The following PCDHGB1 variants were observed in gnomAD, a reference collection of about 807,000 sequenced individuals.
PCDHGB1 encodes protocadherin gamma subfamily B, 1.
A neutral mutation model predicts 56.6 loss-of-function variants in PCDHGB1; 34 were observed. The ratio of observed to expected loss-of-function variants is 0.60; its 90% CI spans 0.46 to 0.80. PCDHGB1 has a LOEUF of 0.80. Among genes scored for constraint, PCDHGB1 ranks in the 30% least tolerant of loss-of-function variants. PCDHGB1 has a pLI of 0.00. For missense variants in PCDHGB1, 1,278 were observed against 1,204.6 expected (o/e 1.06, Z -0.90); for synonymous variants, 561 against 505.9 (o/e 1.11, Z -1.46).
intron 1 of PCDHGB1, chr5:141,392,823 C>A: frequency 6.3e-7 from 1 of 1,599,890 alleles, no homozygotes; most frequent in Non-Finnish European, 8.5e-7. Flanking sequence ...AATGGCCGCT[C>A]CACAGAGTCG....
chr5:141,487,749 A>G lies in PCDHGB1; in HGVS notation c.2410-7058A>G, dbSNP rs574710316. 3.9e-5 allele frequency: 60 copies of G among 1,557,180 alleles called. No homozygotes were observed. The African/African-American group carries it at 5.6e-4, about 14-fold the overall frequency. ...GTCACCATTTTTGTAAGAGGTAACT[A>G]TGTGGTAGACGCTGTGCTTTGTAAC... is the stretch of plus-strand genomic sequence containing the variant. On this transcript the variant is annotated intron_variant, in intron 1 of 3. Coordinates refer to ENST00000523390, the MANE Select transcript of PCDHGB1 (RefSeq NM_018922.3). The surrounding 1 kb of genome is among the most constrained non-coding windows in gnomAD (Gnocchi z 5.0).
chr5:141,430,657 A>G (rs2097300740), intron 1 of PCDHGB1: 1 of 1,093,240 alleles, frequency 9.1e-7, no homozygotes, highest in African/African-American at 1.6e-5. Flanking sequence ...GAAACAACGG[A>G]GGAGCTCTGA....
intron 1 of PCDHGB1, among the ~76,000 whole-genome samples, chr5:141,452,068 A>G (rs554365813): frequency 1.1e-3 from 160 of 152,308 alleles, no homozygotes; most frequent in Middle Eastern, 6.8e-3. Flanking sequence ...TTCTACTTTT[A>G]TTAGTTGGCA....
In PCDHGB1 at chr5:141,374,100, G is replaced by A. The variant is rs767728339; in HGVS notation, c.2409+21431G>A. ...AAGCCAGTAATGGCGCCTCCGCAGA[G>A]GCATCCGCAGCGCAGCGAGCAGGTC... On this transcript the variant is annotated intron_variant, in intron 1 of 3. Coordinates refer to ENST00000523390, the MANE Select transcript of PCDHGB1 (RefSeq NM_018922.3). 5.1e-6 allele frequency: 8 copies of A among 1,564,992 alleles called. No individual in the cohort carries two copies. The highest frequency in any genetic ancestry group is 6.1e-6 in the Non-Finnish European group (7 of 1,153,928).
In PCDHGB1 at chr5:141,491,771, G is replaced by C. The variant is rs760915700; in HGVS notation, c.2410-3036G>C. ...GGAGAAGCCGCCCGTCCTCATAAGG[G>C]ATTGAACTTGCATCCACTCCTCTCC... On this transcript the variant is annotated intron_variant, in intron 1 of 3. Coordinates refer to ENST00000523390, the MANE Select transcript of PCDHGB1 (RefSeq NM_018922.3). The surrounding 1 kb of genome is among the most constrained non-coding windows in gnomAD (Gnocchi z 6.9). 6.4e-7 allele frequency: 1 copy of C among 1,558,290 alleles called. No individual in the cohort carries two copies. Among genetic ancestry groups the C allele is most frequent in the Non-Finnish European group, 8.7e-7 (1 of 1,153,586 alleles).
intron 1 of PCDHGB1, chr5:141,409,909 T>C (rs772516694): frequency 1.2e-6 from 2 of 1,613,200 alleles, no homozygotes; most frequent in African/African-American, 2.7e-5. Flanking sequence ...CTCTGGGTCC[T>C]GACGGCTCCG....
At chr5:141,398,740 C>G in intron 1 of PCDHGB1, 2 of 1,613,864 alleles carry the variant, frequency 1.2e-6, no homozygotes, top group Non-Finnish European at 1.7e-6. Context: ...CCGGGAACAA[C>G]AGAGTTACCA....
chr5:141,364,351 C>T (rs1194197136), intron 1 of PCDHGB1: 12 of 1,550,222 alleles, frequency 7.7e-6, no homozygotes, highest in Non-Finnish European at 9.6e-6. Context: ...CACCTAGGGG[C>T]TGGGGCTGCG....
In PCDHGB1 at chr5:141,355,536, T is replaced by C. The variant is rs1403800891; in HGVS notation, c.2409+2867T>C. On this transcript the variant is annotated intron_variant, in intron 1 of 3. Coordinates refer to ENST00000523390, the MANE Select transcript of PCDHGB1 (RefSeq NM_018922.3). ...CAAACCTGGAGATTCTTCTAGAAGA[T>C]ACAGTGAAGATTTTGCGGGTAGAGG... 2.5e-6 allele frequency: 4 copies of C among 1,613,864 alleles called. No individual in the cohort carries two copies. In the South Asian group the frequency reaches 3.3e-5, roughly 13 times the overall value.
chr5:141,389,737 G>A, intron 1 of PCDHGB1: 2 of 1,612,718 alleles, frequency 1.2e-6, no homozygotes, highest in Non-Finnish European at 1.7e-6. Flanking sequence ...TTCAGCCTGG[G>A]GCTGCGCACG....
chr5:141,385,024 C>T lies in PCDHGB1; in HGVS notation c.2409+32355C>T, dbSNP rs756021455. 5.6e-6 allele frequency: 9 copies of T among 1,614,158 alleles called. No individual in the cohort carries two copies. In the East Asian group the frequency reaches 1.1e-4, roughly 20 times the overall value. ...CTCCTGCGTCTTCCTAGCCTTCGTC[C>T]TCGTACTGCTGGCGCTCAGGCTGCG... On this transcript the variant is annotated intron_variant, in intron 1 of 3. Coordinates refer to ENST00000523390, the MANE Select transcript of PCDHGB1 (RefSeq NM_018922.3).
chr5:141,488,437 C>A (rs1327345486), intron 1 of PCDHGB1, among the ~76,000 whole-genome samples: 2 of 152,210 alleles, frequency 1.3e-5, no homozygotes, highest in Non-Finnish European at 2.9e-5. Context: ...CCTCTGACCA[C>A]CCTCCTGGGT....
intron 1 of PCDHGB1, chr5:141,410,687 T>C: frequency 6.6e-7 from 1 of 1,518,632 alleles, no homozygotes; most frequent in Non-Finnish European, 8.8e-7. Flanking sequence ...TTAGGCATAC[T>C]ACTTTATTTT....
At chr5:141,374,221 C>T (rs1290951545) in intron 1 of PCDHGB1, 12 of 1,613,878 alleles carry the variant, frequency 7.4e-6, no homozygotes, top group African/African-American at 6.7e-5. Flanking sequence ...CCTTCGTAGG[C>T]AACATCGTCA....
chr5:141,452,641 CT>C (rs1351640847), intron 1 of PCDHGB1, among the ~76,000 whole-genome samples: 3 of 151,934 alleles, frequency 2.0e-5, no homozygotes, highest in Admixed American at 1.3e-4. Flanking sequence ...AATATATTTA[CT>C]CATTTGCTCC....
At chr5:141,405,575 G>C in intron 1 of PCDHGB1, 1 of 598,040 alleles carries the variant, frequency 1.7e-6, no homozygotes. Flanking sequence ...GAGTAGAGTA[G>C]CTGGGACTAC....
chr5:141,415,684 A>G, intron 1 of PCDHGB1: 2 of 1,437,842 alleles, frequency 1.4e-6, no homozygotes, highest in Non-Finnish European at 1.9e-6. Flanking sequence ...TTGCGGCATG[A>G]TGGTGGAAAG....
intron 3 of PCDHGB1, among the ~76,000 whole-genome samples, chr5:141,505,981 A>G (rs1285802357): frequency 6.6e-6 from 1 of 151,898 alleles, no homozygotes; most frequent in Non-Finnish European, 1.5e-5. Context: ...CCGAGAGAAC[A>G]CCTCCTCTTT....
intron 1 of PCDHGB1, chr5:141,395,544 G>GTTTGTT (rs70988801): frequency 1.5e-3 from 17 of 11,560 alleles, no homozygotes; most frequent in African/African-American, 4.5e-3. Flanking sequence ...GCTATTGTTT[G>GTTTGTT]TGTGTGTGTG....
Sources: gnomAD v4.1 joint callset for allele counts (sites outside exome capture counted in the v4.1 genomes callset) on GRCh38, gnomAD v4.1.1 for gene constraint, Gnocchi (gnomAD v3.1) non-coding constraint, MANE v1.5 for transcripts, NCBI Gene and HGNC (gene_info 2026-07-23, HGNC 2026-07-21) for gene names.